Variants in EFEMP2 observed in about 807,000 individuals in gnomAD.
EFEMP2 encodes EGF-like fibulin extracellular matrix protein 2.
In EFEMP2, 21 loss-of-function variants were observed where a neutral mutation model predicts 55.3. The observed-to-expected ratio is 0.38, with a 90% confidence interval of 0.27 to 0.55. The LOEUF is 0.55. Among genes scored for constraint, EFEMP2 ranks in the 20% least tolerant of loss-of-function variants. The pLI is 0.77. For synonymous variants in EFEMP2, 275 were observed against 242.3 expected (o/e 1.14, Z -1.25); for missense variants, 513 against 615.1 (o/e 0.83, Z 1.76).
chr11:65,872,321 G>C lies in EFEMP2; in HGVS notation c.34C>G (p.Leu12Val), dbSNP rs990066080. The change falls in exon 2 of 11, where the codon CTA (leucine) becomes GTA (valine). Residue 12 changes from leucine to valine, a missense_variant. By Grantham distance (32) the Leu-to-Val change is conservative. Transcript: ENST00000307998. ...AACAGTAGCAGCGCCCAGAGCAGTA[G>C]AGACCCGGGTAGGCAGGAGGCGCAG... The part of the protein sequence containing the change: ...LPCASCLPGS[L>V]LLWALLLLLL... 1.3e-6 allele frequency: 2 copies of C among 1,551,732 alleles called. No homozygotes were observed. The highest frequency in any genetic ancestry group is 1.2e-5 in the South Asian group (1 of 84,060).
At position 65,871,894 on chromosome 11, in the gene EFEMP2, G is replaced by A. The variant is rs1428994359; in HGVS notation, c.160+76C>T. 4.6e-6 allele frequency: 7 copies of A among 1,525,646 alleles called. 1 individual carries two copies. The highest frequency in any genetic ancestry group is 1.4e-5 in the African/African-American group (1 of 72,598). The allele number at this position is 1,525,646 out of a possible 1,614,324, so 94.5% of individuals were successfully genotyped here. A position where few individuals can be genotyped will look rare whatever the true frequency, so the allele number is the denominator to read the frequency against. Reference sequence around the variant, plus strand: ...GGCTCCCACGGCAGTTCTTGGAGGTGGGGCTGTCCCTTGGAAAGCAGCTAT... The same window carrying A: ...GGCTCCCACGGCAGTTCTTGGAGGTAGGGCTGTCCCTTGGAAAGCAGCTAT... On this transcript the variant is annotated intron_variant, in intron 3 of 10. Transcript: ENST00000307998.
At position 65,868,318 on chromosome 11, in the gene EFEMP2, C is replaced by T; in HGVS notation, c.951G>A (p.Glu317=). 6.2e-7 allele frequency: 1 copy of T among 1,613,790 alleles called. No individual in the cohort carries two copies. Among genetic ancestry groups the T allele is most frequent in the South Asian group, 1.1e-5 (1 of 91,088 alleles). ...ACTTCTCAGAGACCTGGATGTAGGG[C>T]TCCACGCAGCGGTTGGTGTCCACGC... ...YRCVDTNRCV[E]PYIQVSENRC... Residue 317 remains glutamate, a synonymous_variant, in exon 9 of 11, where the codon GAG becomes GAA. Transcript: ENST00000307998.
chr11:65,866,499 T>A lies in EFEMP2; in HGVS notation c.*419A>T, dbSNP rs182188777. 148 of 702,738 alleles carry A rather than the reference T, an allele frequency of 2.1e-4. 1 individual carries two copies. In the African/African-American group the frequency reaches 2.4e-3, roughly 11 times the overall value. 43.5% of individuals were successfully genotyped at this position (702,738 alleles called of 1,614,324 possible). A position where few individuals can be genotyped will look rare whatever the true frequency, so the allele number is the denominator to read the frequency against. On this transcript the variant is annotated 3_prime_UTR_variant, in exon 11 of 11. Transcript: ENST00000307998. Reference sequence around the variant, plus strand: ...AGGCCCAGGGAACTACTAGGGCTTATCCAAATGTACAGTTTGAGGCAGAGT... The same window carrying A: ...AGGCCCAGGGAACTACTAGGGCTTAACCAAATGTACAGTTTGAGGCAGAGT...
intron 5 of EFEMP2, 62 bp from the exon 6 acceptor site, chr11:65,870,299 G>A (rs1859943527): frequency 1.3e-6 from 2 of 1,547,454 alleles, no homozygotes; most frequent in Admixed American, 1.7e-5. Context: ...GTGGGCTCGA[G>A]CCGGCTGGGA....
At chr11:65,871,896 G>A (rs1859970450) in intron 3 of EFEMP2, 74 bp downstream of exon 3, 2 of 1,525,462 alleles carry the variant, frequency 1.3e-6, no homozygotes, top group Non-Finnish European at 1.8e-6. Context: ...TTGGAGGTGG[G>A]GCTGTCCCTT....
chr11:65,872,167 G>C, intron 2 of EFEMP2, 77 bp downstream of exon 2: 3 of 1,496,680 alleles, frequency 2.0e-6, no homozygotes, highest in South Asian at 1.2e-5. Flanking sequence ...AGACTTCCCC[G>C]GCAGCAGTCA....
rs1442979417 is a variant in EFEMP2 at position 65,867,873 on chromosome 11, G to A, written c.1158C>T (p.Asp386=). The stretch of plus-strand genomic sequence containing the variant: ...GCAGAAACCTTACCCTAATGTAAAA[G>A]TCCCCCTGCGAGTTTCCAGCACGGA... The part of the protein sequence containing the change: ...FQIRAGNSQG[D]FYIRQINNVS... Residue 386 remains aspartate (D), a synonymous_variant, in exon 10 of 11, where the codon GAC becomes GAT. Coordinates refer to ENST00000307998, the MANE Select transcript of EFEMP2 (RefSeq NM_016938.5). 6.2e-7 allele frequency: 1 copy of A among 1,614,098 alleles called. No individual in the cohort carries two copies. Among genetic ancestry groups the A allele is most frequent in the Non-Finnish European group, 8.5e-7 (1 of 1,180,024 alleles).
At chr11:65,867,703 C>G in intron 10 of EFEMP2, 158 bp downstream of exon 10, 1 of 763,070 alleles carries the variant, frequency 1.3e-6, no homozygotes, top group Non-Finnish European at 2.2e-6. Context: ...GTTAGAATTG[C>G]ATTTAGAGTA....
At chr11:65,867,583 C>T in intron 10 of EFEMP2, 1 of 517,062 alleles carries the variant, frequency 1.9e-6, no homozygotes, top group Non-Finnish European at 3.5e-6. Context: ...CAGGGCCCTG[C>T]ACACGCCATT....
At chr11:65,871,685 T>A in intron 3 of EFEMP2, 1 of 597,418 alleles carries the variant, frequency 1.7e-6, no homozygotes, top group Admixed American at 3.0e-5. Context: ...CAGGTTGTGA[T>A]GAGACAAAGA....
At chr11:65,867,699 A>C (rs1859879446) in intron 10 of EFEMP2, 162 bp downstream of exon 10, 1 of 745,366 alleles carries the variant, frequency 1.3e-6, no homozygotes, top group Non-Finnish European at 2.3e-6. Flanking sequence ...AACCGTTAGA[A>C]TTGCATTTAG....
Position 65,872,255 on chromosome 11 carries a change from C to A in EFEMP2, c.100G>T (p.Asp34Tyr). 1 of 1,551,458 alleles carries A rather than the reference C, an allele frequency of 6.4e-7. No homozygotes were observed. The highest frequency in any genetic ancestry group is 8.7e-7 in the Non-Finnish European group (1 of 1,146,852). The stretch of plus-strand genomic sequence containing the variant: ...CTCACTGTCCCCACCGTGTAGCTGT[C>A]GGGCTCTTCAGAATCCTGAGGAGAA... The part of the protein sequence containing the change: ...SASPQDSEEP[D>Y]SYTECTDGYE... Residue 34 changes from aspartate (D) to tyrosine (Y), a missense_variant, in exon 2 of 11, where the codon GAC becomes TAC. Physicochemically the swap from Asp to Tyr is radical, Grantham distance 160. Transcript: ENST00000307998.
Position 65,868,772 on chromosome 11 carries a change from C to T in EFEMP2, c.728-143G>A, listed in dbSNP as rs1048242965. On this transcript the variant is annotated intron_variant, in intron 7 of 10. Transcript: ENST00000307998. ...GGATGAGACAAGCCACAAGTTCAGCCGGGAGATGGAGGGTTCAAAGAAAGT... is the reference window on the plus strand; with the variant it reads ...GGATGAGACAAGCCACAAGTTCAGCTGGGAGATGGAGGGTTCAAAGAAAGT... 1.2e-4 allele frequency: 141 copies of T among 1,207,650 alleles called. 1 individual carries two copies. The highest frequency in any genetic ancestry group is 3.3e-4 in the Admixed American group (18 of 54,644). 74.8% of individuals were successfully genotyped at this position (1,207,650 alleles called of 1,614,324 possible). A position where few individuals can be genotyped will look rare whatever the true frequency, so the allele number is the denominator to read the frequency against.
In EFEMP2 at chr11:65,867,861, C is replaced by G. The variant is rs1859884834; in HGVS notation, c.1170G>C (p.Arg390Ser). 6.2e-7 allele frequency: 1 copy of G among 1,613,928 alleles called. No individual in the cohort carries two copies. The highest frequency in any genetic ancestry group is 2.2e-5 in the East Asian group (1 of 44,884). The part of the protein sequence containing the change: ...AGNSQGDFYI[R>S]QINNVSAMLV... ...CAGTTGAGGGTTGCAGAAACCTTACCCTAATGTAAAAGTCCCCCTGCGAGT... is the reference window on the plus strand; with the variant it reads ...CAGTTGAGGGTTGCAGAAACCTTACGCTAATGTAAAAGTCCCCCTGCGAGT... The change falls in exon 10 of 11, where the codon AGG (arginine) becomes AGC (serine). Residue 390 changes from arginine to serine, a missense_variant and splice_region_variant. By Grantham distance (110) the Arg-to-Ser change is moderately radical. Coordinates refer to ENST00000307998, the MANE Select transcript of EFEMP2 (RefSeq NM_016938.5).
At position 65,868,467 on chromosome 11, in the gene EFEMP2, G is replaced by C. The variant is rs375869389; in HGVS notation, c.847+43C>G. 3.0e-4 allele frequency: 480 copies of C among 1,613,686 alleles called. No homozygotes were observed. Among genetic ancestry groups the C allele is most frequent in the Non-Finnish European group, 3.9e-4 (457 of 1,180,020 alleles). The stretch of plus-strand genomic sequence containing the variant: ...TGGAATCGGGGGCGTCAGGCTGCCA[G>C]CTCCTGACACCGTCCTGCCCATCCC... On this transcript the variant is annotated intron_variant, in intron 8 of 10. Coordinates refer to ENST00000307998, the MANE Select transcript of EFEMP2 (RefSeq NM_016938.5).
chr11:65,867,567 T>C, intron 10 of EFEMP2: 1 of 489,756 alleles, frequency 2.0e-6, no homozygotes, highest in Non-Finnish European at 3.7e-6. Flanking sequence ...GTGGACTTTC[T>C]GACCCCAGGG....
At chr11:65,867,344 C>A in intron 10 of EFEMP2, 1 of 552,838 alleles carries the variant, frequency 1.8e-6, no homozygotes. Context: ...CGATTCAAGG[C>A]CACATGTGGC....
At chr11:65,868,815 G>T in intron 7 of EFEMP2, 186 bp from the exon 8 acceptor site, 1 of 711,282 alleles carries the variant, frequency 1.4e-6, no homozygotes, top group Non-Finnish European at 2.4e-6. Context: ...GGCTGCCGCA[G>T]CTCACAGACT....
rs1435621705 is a variant in EFEMP2 at position 65,866,494 on chromosome 11, G to C, written c.*424C>G. On this transcript the variant is annotated 3_prime_UTR_variant, in exon 11 of 11. Coordinates refer to ENST00000307998, the MANE Select transcript of EFEMP2 (RefSeq NM_016938.5). Reference sequence around the variant, plus strand: ...AAAACAGGCCCAGGGAACTACTAGGGCTTATCCAAATGTACAGTTTGAGGC... The same window carrying C: ...AAAACAGGCCCAGGGAACTACTAGGCCTTATCCAAATGTACAGTTTGAGGC... 1.4e-6 allele frequency: 1 copy of C among 702,714 alleles called. No individual in the cohort carries two copies. The highest frequency in any genetic ancestry group is 2.6e-6 in the Non-Finnish European group (1 of 384,966). 43.5% of individuals were successfully genotyped at this position (702,714 alleles called of 1,614,324 possible). A position where few individuals can be genotyped will look rare whatever the true frequency, so the allele number is the denominator to read the frequency against.
Sources: allele counts gnomAD v4.1 joint callset, GRCh38; gene constraint gnomAD v4.1.1; transcripts MANE v1.5; gene names NCBI Gene and HGNC (gene_info 2026-07-23, HGNC 2026-07-21).